The following DAPK2 variants were observed in gnomAD, a reference collection of about 807,000 sequenced individuals.
DAPK2 encodes death associated protein kinase 2.
In DAPK2, 35 loss-of-function variants were observed where a neutral mutation model predicts 44.1. The ratio of observed to expected loss-of-function variants is 0.79; its 90% CI spans 0.61 to 1.05. DAPK2 has a LOEUF of 1.05. Among genes scored for constraint, DAPK2 ranks in the 50% least tolerant of loss-of-function variants. The pLI is 0.00. For synonymous variants in DAPK2, 174 were observed against 182.6 expected (o/e 0.95, Z 0.38); for missense variants, 453 against 483.2 (o/e 0.94, Z 0.59).
chr15:63,919,465 CTT>C (rs1360377732), intron 8 of DAPK2: 1 of 152,076 alleles, frequency 6.6e-6, no homozygotes, highest in Admixed American at 6.6e-5. Context: ...ACATTTTACT[CTT>C]TTACTGTATT....
At chr15:63,942,793 G>A (rs974103139) in intron 3 of DAPK2, among the ~76,000 whole-genome samples, 2 of 151,832 alleles carry the variant, frequency 1.3e-5, no homozygotes, top group African/African-American at 2.4e-5. Flanking sequence ...GGCCTTCTCT[G>A]CTCTCTCCCT....
At chr15:63,969,615 C>A (rs2078152879) in intron 3 of DAPK2, among the ~76,000 whole-genome samples, 1 of 151,978 alleles carries the variant, frequency 6.6e-6, no homozygotes, top group African/African-American at 2.4e-5. Flanking sequence ...GTGGCACACG[C>A]CTTTAGTCCC....
At position 63,980,394 on chromosome 15, in the gene DAPK2, G is replaced by T. The variant is rs2078470202; in HGVS notation, c.314+3139C>A. Among the ~76,000 whole-genome samples, 1 of 152,188 alleles carries T rather than the reference G, an allele frequency of 6.6e-6. No homozygotes were observed. The highest frequency in any genetic ancestry group is 6.5e-5 in the Admixed American group (1 of 15,288). ...GAAAGTATCAATTTATAGCTATAAA[G>T]ATCAATAAATAATGAAACACGTTTC... On this transcript the variant is annotated intron_variant, in intron 2 of 10. Transcript: ENST00000261891. The surrounding 1 kb of genome is among the most constrained non-coding windows in gnomAD (Gnocchi z 4.3).
intron 1 of DAPK2, among the ~76,000 whole-genome samples, chr15:64,032,993 C>T (rs897555112): frequency 6.6e-6 from 1 of 151,692 alleles, no homozygotes; most frequent in Admixed American, 6.6e-5. Context: ...GGCTGAGGCA[C>T]GAGAATTGCT....
chr15:63,989,184 T>C (rs1472371448), intron 1 of DAPK2, among the ~76,000 whole-genome samples: 2 of 62,110 alleles, frequency 3.2e-5, no homozygotes, highest in African/African-American at 6.3e-5. Flanking sequence ...TGAGACTTTG[T>C]CTCCAAAAAA....
chr15:64,024,945 T>G (rs1191330886), intron 1 of DAPK2, among the ~76,000 whole-genome samples: 1 of 152,132 alleles, frequency 6.6e-6, no homozygotes, highest in African/African-American at 2.4e-5. Flanking sequence ...GGTTAGAAGC[T>G]GCCAGCAAGG....
chr15:63,913,665 C>T (rs1225289997), intron 8 of DAPK2, among the ~76,000 whole-genome samples: 2 of 152,146 alleles, frequency 1.3e-5, no homozygotes, highest in Admixed American at 6.5e-5. Flanking sequence ...CATCAGGGAC[C>T]GGAAGAAAGC....
At chr15:63,941,633 T>C (rs796843793) in intron 3 of DAPK2, among the ~76,000 whole-genome samples, 4 of 151,790 alleles carry the variant, frequency 2.6e-5, no homozygotes, top group African/African-American at 9.7e-5. Context: ...TTTTCCTTTT[T>C]TTAAAAAAAA....
At chr15:64,019,655 G>A (rs914839874) in intron 1 of DAPK2, among the ~76,000 whole-genome samples, 3 of 152,154 alleles carry the variant, frequency 2.0e-5, no homozygotes, top group South Asian at 2.1e-4. Context: ...TGAATGCTTC[G>A]GTGTATTTCT....
At chr15:63,935,272 G>T (rs1023593479) in intron 4 of DAPK2, among the ~76,000 whole-genome samples, 15 of 151,786 alleles carry the variant, frequency 9.9e-5, no homozygotes, top group African/African-American at 3.4e-4. Context: ...TGTATTTTTA[G>T]TAGAGACAGG....
intron 2 of DAPK2, among the ~76,000 whole-genome samples, chr15:63,978,023 C>A (rs190862330): frequency 6.6e-6 from 1 of 152,206 alleles, no homozygotes; most frequent in African/African-American, 2.4e-5. Flanking sequence ...ATCTATCTTC[C>A]TCTCTCCCCA....
rs578038989 is a variant in DAPK2 at position 63,955,562 on chromosome 15, TTTG to T, written c.453+15858_453+15860del. On this transcript the variant is annotated intron_variant, in intron 3 of 10. Transcript: ENST00000261891. ...GTTTGAGTAGGATTGGTATTAGTTC[TTTG>T]TTGTTGTTGTCGTCATTGTTTGAGA... 5.1e-3 allele frequency among the ~76,000 whole-genome samples: 774 copies of T among 152,304 alleles called. 5 individuals carry two copies. Among genetic ancestry groups the T allele is most frequent in the Non-Finnish European group, 9.2e-3 (629 of 68,032 alleles).
At chr15:64,000,190 C>CT (rs201019915) in intron 1 of DAPK2, among the ~76,000 whole-genome samples, 4,625 of 57,480 alleles carry the variant, frequency 0.08, 239 homozygotes, top group African/African-American at 0.15. Context: ...TACTACTACA[C>CT]ACACACACAC....
chr15:64,038,866 C>T (rs1214027621), intron 1 of DAPK2, among the ~76,000 whole-genome samples: 1 of 152,120 alleles, frequency 6.6e-6, no homozygotes, highest in Non-Finnish European at 1.5e-5. Flanking sequence ...AACCTGCCTC[C>T]CATTCTATTC....
intron 1 of DAPK2, among the ~76,000 whole-genome samples, chr15:63,993,575 G>A (rs2078872534): frequency 6.6e-6 from 1 of 151,850 alleles, no homozygotes; most frequent in South Asian, 2.1e-4. Context: ...AAATGTTTGT[G>A]AATTTTTAAT....
chr15:63,920,835 A>G (rs551181123), intron 8 of DAPK2: 1 of 152,378 alleles, frequency 6.6e-6, no homozygotes, highest in Non-Finnish European at 1.5e-5. Flanking sequence ...TCTCCCCTCC[A>G]GCTTTCAGTC....
In DAPK2 at chr15:63,923,796, G is replaced by T. The variant is rs1407700574; in HGVS notation, c.858+1020C>A. Among the ~76,000 whole-genome samples, 1 of 152,184 alleles carries T rather than the reference G, an allele frequency of 6.6e-6. No homozygotes were observed. The highest frequency in any genetic ancestry group is 2.4e-5 in the African/African-American group (1 of 41,446). ...GCTGACCTCTTCCCAGACGACTCCA[G>T]CCCTCCCTGTTCTGTCTTCCACAGG... On this transcript the variant is annotated intron_variant, in intron 8 of 10. Coordinates refer to ENST00000261891, the Ensembl canonical transcript of DAPK2. The surrounding 1 kb of genome is among the most constrained non-coding windows in gnomAD (Gnocchi z 4.2).
rs1404958148 is a variant in DAPK2, at chr15:63,917,841, T to A, written c.859-5644A>T. Reference sequence around the variant, plus strand: ...CTGCAACCCTCTTACCCTTTCTCAATCAGAATTCCTCTCTCCTTTGATTTC... The same window carrying A: ...CTGCAACCCTCTTACCCTTTCTCAAACAGAATTCCTCTCTCCTTTGATTTC... On this transcript the variant is annotated intron_variant, in intron 8 of 10. Coordinates refer to ENST00000261891, the Ensembl canonical transcript of DAPK2. The surrounding 1 kb of genome is among the most constrained non-coding windows in gnomAD (Gnocchi z 4.4). 2.6e-5 allele frequency: 4 copies of A among 152,148 alleles called. No individual in the cohort carries two copies. Among genetic ancestry groups the A allele is most frequent in the Non-Finnish European group, 4.4e-5 (3 of 68,048 alleles). 9.4% of individuals were successfully genotyped at this position (152,148 alleles called of 1,614,324 possible). A position where few individuals can be genotyped will look rare whatever the true frequency, so the allele number is the denominator to read the frequency against.
intron 1 of DAPK2, among the ~76,000 whole-genome samples, chr15:64,027,490 G>T (rs935028298): frequency 6.6e-6 from 1 of 152,086 alleles, no homozygotes; most frequent in Non-Finnish European, 1.5e-5. Context: ...AACCCAAGGA[G>T]GTCAGAAGCT....
Sources: allele counts gnomAD v4.1 joint callset (sites outside exome capture counted in the v4.1 genomes callset), GRCh38; gene constraint gnomAD v4.1.1; non-coding constraint Gnocchi (gnomAD v3.1); transcripts MANE v1.5; gene names NCBI Gene and HGNC (gene_info 2026-07-23, HGNC 2026-07-21).